The following INSIG1 variants were observed in gnomAD, a reference collection of about 807,000 sequenced individuals.
INSIG1 encodes the protein insulin-induced gene 1 protein.
In INSIG1, 14 loss-of-function variants were observed where a neutral mutation model predicts 26.5. That is an observed-to-expected ratio of 0.53 (90% confidence interval 0.35 to 0.83). The LOEUF (loss-of-function observed/expected upper bound fraction) is 0.83. INSIG1 is among the 40% of genes least tolerant of loss of function. The pLI is 0.01. For synonymous variants in INSIG1, 147 were observed against 153.3 expected (o/e 0.96, Z 0.30); for missense variants, 272 against 368.9 (o/e 0.74, Z 2.15).
chr7:155,304,912 C>T (rs375912700), intron 5 of INSIG1, among the ~76,000 whole-genome samples: 19 of 148,362 alleles, frequency 1.3e-4, no homozygotes, highest in Admixed American at 6.8e-5. Flanking sequence ...CTGAGGCGGG[C>T]GGATCACGAG....
At chr7:155,298,185 C>T in intron 1 of INSIG1, 74 bp from the exon 2 acceptor site, 1 of 1,259,304 alleles carries the variant, frequency 7.9e-7, no homozygotes. Flanking sequence ...GCCCGGGTGC[C>T]GGGGTTCGCG....
Position 155,302,740 on chromosome 7 carries a change from G to A in INSIG1, c.705-7G>A, listed in dbSNP as rs760116811. ...CTGCTAAGGTACAGTTTCTTTTCTC[G>A]CTCCAGGTATACATCCCCAGATTTC... On this transcript the variant is annotated splice_region_variant and splice_polypyrimidine_tract_variant and intron_variant, in intron 4 of 5. Transcript: ENST00000340368. The surrounding 1 kb of genome is among the most constrained non-coding windows in gnomAD (Gnocchi z 4.3). 35 of 1,579,360 alleles carry A rather than the reference G, an allele frequency of 2.2e-5. No individual in the cohort carries two copies. Among genetic ancestry groups the A allele is most frequent in the South Asian group, 2.1e-4 (19 of 90,120 alleles).
Position 155,301,832 on chromosome 7 carries a change from GAGAA to G in INSIG1, c.537+147_537+150del, listed in dbSNP as rs553302337. 50 of 688,274 alleles carry G rather than the reference GAGAA, an allele frequency of 7.3e-5. 1 individual carries two copies. The South Asian group carries it at 2.3e-3, about 32-fold the overall frequency. The allele number at this position is 688,274 out of a possible 1,614,324, so 42.6% of individuals were successfully genotyped here. A position where few individuals can be genotyped will look rare whatever the true frequency, so the allele number is the denominator to read the frequency against. The stretch of plus-strand genomic sequence containing the variant: ...CCTACCCATTTCAGATTACTAAAAA[GAGAA>G]AGAAGAATGGGGCTATCGATGACTT... On this transcript the variant is annotated intron_variant, in intron 3 of 5. Coordinates refer to ENST00000340368, the MANE Select transcript of INSIG1 (RefSeq NM_005542.6).
In INSIG1 at chr7:155,302,538, G is replaced by A; in HGVS notation, c.704+121G>A. On this transcript the variant is annotated intron_variant, in intron 4 of 5. Transcript: ENST00000340368. The surrounding 1 kb of genome is among the most constrained non-coding windows in gnomAD (Gnocchi z 4.3). The stretch of plus-strand genomic sequence containing the variant: ...TTTATATAGAATGATACAGATTTAG[G>A]CATGAAATTCTCAAAAATGCTGCTA... 8.7e-7 allele frequency: 1 copy of A among 1,154,062 alleles called. No homozygotes were observed. Among genetic ancestry groups the A allele is most frequent in the Non-Finnish European group, 1.2e-6 (1 of 839,450 alleles). The allele number at this position is 1,154,062 out of a possible 1,614,324, so 71.5% of individuals were successfully genotyped here. A position where few individuals can be genotyped will look rare whatever the true frequency, so the allele number is the denominator to read the frequency against.
chr7:155,298,421 T>C lies in INSIG1; in HGVS notation c.136T>C (p.Ser46Pro). 2 of 1,557,858 alleles carry C rather than the reference T, an allele frequency of 1.3e-6. No homozygotes were observed. The highest frequency in any genetic ancestry group is 8.7e-7 in the Non-Finnish European group (1 of 1,152,178). Residue 46 changes from serine (S) to proline (P), a missense_variant, in exon 2 of 6, where the codon TCC becomes CCC. Physicochemically the swap from Ser to Pro is moderately conservative, Grantham distance 74. Transcript: ENST00000340368. ...EMINVSVSGP[S>P]LLAAHGAPDA... The stretch of plus-strand genomic sequence containing the variant: ...GATCAACGTTTCCGTGTCCGGGCCC[T>C]CCCTGCTGGCGGCCCACGGTGCCCC...
Position 155,298,219 on chromosome 7 carries a change from T to A in INSIG1, c.-27-40T>A, listed in dbSNP as rs1334703372. On this transcript the variant is annotated intron_variant, in intron 1 of 5. Transcript: ENST00000340368. ...CGTCCCGCGGGGCCTTCCTCGCTCT[T>A]TGTCTCTTCTGAGTGAACTTGATGA... 3 of 1,379,618 alleles carry A rather than the reference T, an allele frequency of 2.2e-6. No homozygotes were observed. In the African/African-American group the frequency reaches 4.6e-5, roughly 21 times the overall value. The allele number at this position is 1,379,618 out of a possible 1,614,324, so 85.5% of individuals were successfully genotyped here. A position where few individuals can be genotyped will look rare whatever the true frequency, so the allele number is the denominator to read the frequency against.
chr7:155,303,834 T>G (rs1797860005), intron 5 of INSIG1: 2 of 1,364,808 alleles, frequency 1.5e-6, no homozygotes, highest in African/African-American at 1.5e-5. Flanking sequence ...GCTGATACCC[T>G]TCTGTGAGGA....
intron 2 of INSIG1, among the ~76,000 whole-genome samples, chr7:155,301,189 C>T (rs1020517960): frequency 5.3e-5 from 8 of 152,206 alleles, no homozygotes; most frequent in African/African-American, 1.9e-4. Flanking sequence ...ATAGAAATCA[C>T]ACCGGATGAA....
intron 5 of INSIG1, among the ~76,000 whole-genome samples, chr7:155,305,165 GGAGAA>G (rs1201775737): frequency 6.7e-6 from 1 of 148,482 alleles, no homozygotes; most frequent in Non-Finnish European, 1.5e-5. Flanking sequence ...AAAAAAAACT[GGAGAA>G]GAGAGATCAC....
intron 5 of INSIG1, among the ~76,000 whole-genome samples, chr7:155,304,089 G>A (rs963557605): frequency 1.3e-5 from 2 of 149,588 alleles, no homozygotes; most frequent in Admixed American, 6.8e-5. Flanking sequence ...TCAGCGTCCC[G>A]AGTAGCTGGG....
Position 155,298,450 on chromosome 7 carries a change from C to A in INSIG1, c.165C>A (p.Asp55Glu), listed in dbSNP as rs1448820452. ...TGCTGGCGGCCCACGGTGCCCCGGA[C>A]GCTGACCCCGCGCCCAGGGGCCGCA... ...PSLLAAHGAP[D>E]ADPAPRGRSA... Residue 55 changes from aspartate (D) to glutamate (E), a missense_variant, in exon 2 of 6, where the codon GAC becomes GAA. Asp to Glu is a conservative substitution (Grantham distance 45, BLOSUM62 2). Transcript: ENST00000340368. 2.1e-5 allele frequency: 32 copies of A among 1,554,904 alleles called. No homozygotes were observed. The highest frequency in any genetic ancestry group is 2.8e-5 in the Non-Finnish European group (32 of 1,151,230).
chr7:155,301,324 T>A lies in INSIG1; in HGVS notation c.413-242T>A, dbSNP rs557346663. On this transcript the variant is annotated intron_variant, in intron 2 of 5. Transcript: ENST00000340368. ...TCCCTGCTTGATTCCTTCCTGTGTT[T>A]ACTGAGACATGTTCAACTACACTAA... is the stretch of plus-strand genomic sequence containing the variant. Among the ~76,000 whole-genome samples the A allele has an allele frequency of 1.7e-4, 26 of 152,348 alleles. No homozygotes were observed. The South Asian group carries it at 5.4e-3, about 32-fold the overall frequency.
rs1361541671 is a variant in INSIG1, at chr7:155,298,159, G to T, written c.-27-100G>T. The T allele has an allele frequency of 4.8e-6, 5 of 1,050,054 alleles. No homozygotes were observed. The East Asian group carries it at 9.7e-5, about 20-fold the overall frequency. 65.0% of individuals were successfully genotyped at this position (1,050,054 alleles called of 1,614,324 possible). A position where few individuals can be genotyped will look rare whatever the true frequency, so the allele number is the denominator to read the frequency against. Reference sequence around the variant, plus strand: ...GCGCACGGGGGTCTAACCTTGGGGGGCGGCGCTGCCGCCTGGCCCGGGTGC... The same window carrying T: ...GCGCACGGGGGTCTAACCTTGGGGGTCGGCGCTGCCGCCTGGCCCGGGTGC... On this transcript the variant is annotated intron_variant, in intron 1 of 5. Coordinates refer to ENST00000340368, the MANE Select transcript of INSIG1 (RefSeq NM_005542.6).
chr7:155,303,709 A>C (rs1797856037), intron 5 of INSIG1: 1 of 355,702 alleles, frequency 2.8e-6, no homozygotes, highest in African/African-American at 2.2e-5. Flanking sequence ...GGCTGAAAGA[A>C]AGTAAATTAA....
At position 155,298,520 on chromosome 7, in the gene INSIG1, AC is replaced by A. The variant is rs1457034061; in HGVS notation, c.237del (p.Trp80GlyfsTer19). On this transcript the variant is annotated frameshift_variant, in exon 2 of 6. Coordinates refer to ENST00000340368, the MANE Select transcript of INSIG1 (RefSeq NM_005542.6). LOFTEE classifies it high-confidence loss of function. ...GPEPGSPYPNTWHHRLLQRSL... is the reference protein window; with the variant it reads ...GPEPGSPYPNXWHHRLLQRSL... The stretch of plus-strand genomic sequence containing the variant: ...CGAGCCCGGCAGCCCCTACCCCAAC[AC>A]CTGGCATCATCGCCTGTTGCAGAGG... 1 of 1,593,966 alleles carries A rather than the reference AC, an allele frequency of 6.3e-7. No individual in the cohort carries two copies. The highest frequency in any genetic ancestry group is 1.7e-5 in the Admixed American group (1 of 57,496).
intron 2 of INSIG1, among the ~76,000 whole-genome samples, chr7:155,300,808 G>A (rs1190714291): frequency 6.6e-6 from 1 of 152,150 alleles, no homozygotes; most frequent in African/African-American, 2.4e-5. Context: ...GCAGAGCCAC[G>A]TCCCATCAGA....
chr7:155,301,099 C>T (rs34196676), intron 2 of INSIG1, among the ~76,000 whole-genome samples: 2 of 152,158 alleles, frequency 1.3e-5, no homozygotes, highest in African/African-American at 4.8e-5. Context: ...ACGTGCCCAG[C>T]CCCAGTACTG....
At chr7:155,303,374 G>T (rs544870296) in intron 5 of INSIG1, among the ~76,000 whole-genome samples, 7 of 152,350 alleles carry the variant, frequency 4.6e-5, no homozygotes, top group Admixed American at 6.5e-5. Context: ...GTGGGCAAGG[G>T]GACAGCCTGG....
Position 155,308,787 on chromosome 7 carries a change from C to T in INSIG1, c.*517C>T, listed in dbSNP as rs187923644. 1 of 156,758 alleles carries T rather than the reference C, an allele frequency of 6.4e-6. No individual in the cohort carries two copies. Among genetic ancestry groups the T allele is most frequent in the Admixed American group, 6.2e-5 (1 of 16,182 alleles). The allele number at this position is 156,758 out of a possible 1,614,324, so 9.7% of individuals were successfully genotyped here. On this transcript the variant is annotated 3_prime_UTR_variant, in exon 6 of 6. Coordinates refer to ENST00000340368, the MANE Select transcript of INSIG1 (RefSeq NM_005542.6). ...AGCAGCAGTGATTATAGAGAGGTCA[C>T]ACTCTAAGTGGGGTCGCGGCGTGGC...
Sources: gnomAD v4.1 joint callset for allele counts (sites outside exome capture counted in the v4.1 genomes callset) on GRCh38, gnomAD v4.1.1 for gene constraint, Gnocchi (gnomAD v3.1) non-coding constraint, MANE v1.5 for transcripts, NCBI Gene and HGNC (gene_info 2026-07-23, HGNC 2026-07-21) for gene names.